The following INPP4B variants were observed in gnomAD, a reference collection of about 807,000 sequenced individuals.
INPP4B encodes the protein inositol polyphosphate-4-phosphatase type II B, also known as inositol polyphosphate 4-phosphatase type II.
Under a neutral mutation model 122.5 loss-of-function variants are expected in INPP4B, and 55 were observed. That is an observed-to-expected ratio of 0.45 (90% confidence interval 0.36 to 0.56). The LOEUF (loss-of-function observed/expected upper bound fraction) is 0.56, where lower values mean the gene tolerates loss of function less well. INPP4B is among the 20% of genes least tolerant of loss of function. INPP4B has a pLI of 0.00. For synonymous variants in INPP4B, 403 were observed against 388.7 expected, an observed-to-expected ratio of 1.04 and a Z score of -0.43; for missense variants, 1,000 against 1,097.7, an observed-to-expected ratio of 0.91 and a Z score of 1.26.
At chr4:142,842,636 C>A (rs1783646740) in intron 1 of INPP4B, among the ~76,000 whole-genome samples, 3 of 127,090 alleles carry the variant, frequency 2.4e-5, no homozygotes, top group African/African-American at 8.9e-5. Flanking sequence ...TATAATAATC[C>A]TAACATAATA....
At chr4:142,189,144 C>T (rs1834580996) in intron 15 of INPP4B, among the ~76,000 whole-genome samples, 1 of 152,086 alleles carries the variant, frequency 6.6e-6, no homozygotes, top group African/African-American at 2.4e-5. Context: ...GAGTTTTTGC[C>T]CTGTGACTGT....
chr4:142,109,136 C>T (rs1443502656), intron 22 of INPP4B, among the ~76,000 whole-genome samples: 1 of 109,010 alleles, frequency 9.2e-6, no homozygotes, highest in Admixed American at 1.1e-4. Flanking sequence ...TCTGGTAACC[C>T]TTCCTTTTTT....
chr4:142,034,507 T>A (rs1006676083), intron 25 of INPP4B, among the ~76,000 whole-genome samples: 1 of 152,024 alleles, frequency 6.6e-6, no homozygotes, highest in African/African-American at 2.4e-5. Context: ...AGGAATTCTA[T>A]TACTCACGCA....
intron 9 of INPP4B, chr4:142,287,567 A>C (rs564178437): frequency 6.6e-6 from 1 of 152,284 alleles, no homozygotes; most frequent in Non-Finnish European, 1.5e-5. Flanking sequence ...CTTCTTCTAA[A>C]TCTCAACTTG....
chr4:142,044,735 A>G (rs1750387537), intron 25 of INPP4B, among the ~76,000 whole-genome samples: 1 of 152,164 alleles, frequency 6.6e-6, no homozygotes, highest in Non-Finnish European at 1.5e-5. Flanking sequence ...CAAGAATAAT[A>G]TGGAATATTT....
chr4:142,532,343 G>A (rs978178164), intron 2 of INPP4B, among the ~76,000 whole-genome samples: 8 of 152,122 alleles, frequency 5.3e-5, no homozygotes, highest in Admixed American at 5.2e-4. Flanking sequence ...TGCAGGGGCT[G>A]TTTCTCTGCC....
chr4:142,108,005 G>A, intron 23 of INPP4B, 88 bp downstream of exon 23: 1 of 691,058 alleles, frequency 1.4e-6, no homozygotes, highest in Non-Finnish European at 2.5e-6. Context: ...CCCTGCTTCT[G>A]TAGTCCACTG....
At chr4:142,166,584 A>C (rs1379997361) in intron 16 of INPP4B, among the ~76,000 whole-genome samples, 1 of 151,916 alleles carries the variant, frequency 6.6e-6, no homozygotes, top group Admixed American at 6.6e-5. Context: ...GAAAGGAACT[A>C]TCAACAGAGT....
At chr4:142,783,781 C>T (rs1775281194) in intron 1 of INPP4B, among the ~76,000 whole-genome samples, 1 of 152,132 alleles carries the variant, frequency 6.6e-6, no homozygotes, top group South Asian at 2.1e-4. Context: ...CTTCCCACCT[C>T]TTTCTTACCA....
intron 1 of INPP4B, among the ~76,000 whole-genome samples, chr4:142,806,764 G>A (rs72728677): frequency 0.049 from 1,884 of 38,800 alleles, 89 homozygotes; most frequent in South Asian, 0.12. Context: ...GAAGAAGAAA[G>A]AAGAAAGAAA....
At chr4:142,470,935 C>T (rs1268100876) in intron 2 of INPP4B, among the ~76,000 whole-genome samples, 1 of 152,044 alleles carries the variant, frequency 6.6e-6, no homozygotes, top group Non-Finnish European at 1.5e-5. Context: ...ATTGCATTAA[C>T]TAATTTGATG....
intron 7 of INPP4B, among the ~76,000 whole-genome samples, chr4:142,379,316 T>G (rs1471765582): frequency 1.3e-5 from 2 of 152,164 alleles, no homozygotes; most frequent in Non-Finnish European, 2.9e-5. Flanking sequence ...ACCTCAGCAT[T>G]TAGCTCCATT....
At chr4:142,411,454 C>G (rs1037163905) in intron 5 of INPP4B, among the ~76,000 whole-genome samples, 2 of 152,094 alleles carry the variant, frequency 1.3e-5, no homozygotes, top group African/African-American at 4.8e-5. Flanking sequence ...TAGAAGCATA[C>G]CTTCGAATCT....
intron 2 of INPP4B, among the ~76,000 whole-genome samples, chr4:142,687,728 C>A (rs1759571925): frequency 6.6e-6 from 1 of 151,888 alleles, no homozygotes; most frequent in African/African-American, 2.4e-5. Context: ...AAGACATAGC[C>A]CTGATTACTA....
intron 1 of INPP4B, among the ~76,000 whole-genome samples, chr4:142,837,471 A>T (rs1042989713): frequency 1.3e-5 from 2 of 152,136 alleles, no homozygotes; most frequent in African/African-American, 4.8e-5. Context: ...TAAGTCACTT[A>T]ACCTCTCAAA....
intron 7 of INPP4B, among the ~76,000 whole-genome samples, chr4:142,347,929 G>A (rs1418772041): frequency 1.3e-5 from 2 of 152,030 alleles, no homozygotes; most frequent in Non-Finnish European, 2.9e-5. Flanking sequence ...GAAGGAAAGA[G>A]ATGAGGAAGC....
intron 7 of INPP4B, among the ~76,000 whole-genome samples, chr4:142,390,745 T>C (rs1797400006): frequency 6.6e-6 from 1 of 152,242 alleles, no homozygotes; most frequent in African/African-American, 2.4e-5. Flanking sequence ...ATAGTTACTA[T>C]GTTAAGTTAT....
chr4:142,330,002 T>G (rs1008512370), intron 7 of INPP4B, among the ~76,000 whole-genome samples: 1 of 152,110 alleles, frequency 6.6e-6, no homozygotes, highest in South Asian at 2.1e-4. Flanking sequence ...TGGAAAAAAT[T>G]TATAAACAAA....
chr4:142,060,886 G>A (rs936634397), intron 25 of INPP4B, among the ~76,000 whole-genome samples: 1 of 152,108 alleles, frequency 6.6e-6, no homozygotes, highest in African/African-American at 2.4e-5. Flanking sequence ...TTTACTCTGT[G>A]TTCTTCATAT....
Sources: allele counts gnomAD v4.1 joint callset (sites outside exome capture counted in the v4.1 genomes callset), GRCh38; gene constraint gnomAD v4.1.1; transcripts MANE v1.5; gene names NCBI Gene and HGNC (gene_info 2026-07-23, HGNC 2026-07-21).